C5: variants seen among roughly 807,000 people sequenced by gnomAD.
C5 encodes C3 and PZP-like alpha-2-macroglobulin domain-containing protein 4.
A neutral mutation model predicts 218.8 loss-of-function variants in C5; 140 were observed. That is an observed-to-expected ratio of 0.64 (90% CI 0.56 to 0.74). The LOEUF (loss-of-function observed/expected upper bound fraction) is 0.74, where lower values mean the gene tolerates loss of function less well. C5 is among the 30% of genes least tolerant of loss of function. The pLI is 0.00. For missense variants in C5, 1,700 were observed against 1,969.6 expected (o/e 0.86, Z 2.59); for synonymous variants, 614 against 682.3 (o/e 0.90, Z 1.56).
the C5 span, among the ~76,000 whole-genome samples, chr9:121,057,926 C>T: frequency 4.6e-5 from 7 of 152,226 alleles, no homozygotes; most frequent in African/African-American, 1.7e-4. Flanking sequence ...AAGTTCTTTG[C>T]TCCAAAATAT....
rs574447631 is a variant in C5, at chr9:121,035,593, G to A, written c.493-699C>T. On this transcript the variant is annotated intron_variant, in intron 4 of 40. Coordinates refer to ENST00000223642, the MANE Select transcript of C5 (RefSeq NM_001735.3). ...CTGTACAAAAAACTTTTTTGAGACA[G>A]GGATCTTGCTCTGTGATCCAGGCTG... is the stretch of plus-strand genomic sequence containing the variant. Among the ~76,000 whole-genome samples, 8 of 152,170 alleles carry A rather than the reference G, an allele frequency of 5.3e-5. No individual in the cohort carries two copies. The East Asian group carries it at 1.5e-3, about 29-fold the overall frequency.
chr9:121,020,238 A>C (rs2047352990), intron 11 of C5, 59 bp from the exon 12 acceptor site: 1 of 1,202,376 alleles, frequency 8.3e-7, no homozygotes, highest in Non-Finnish European at 1.2e-6. Context: ...TCTGTAAAAC[A>C]TACCTTTCAA....
the C5 span, among the ~76,000 whole-genome samples, chr9:121,062,325 G>A: frequency 3.9e-5 from 6 of 152,258 alleles, no homozygotes; most frequent in East Asian, 1.9e-4. Context: ...CATAAATATC[G>A]TGCTGTCAGA....
intron 26 of C5, among the ~76,000 whole-genome samples, 178 bp from the exon 27 acceptor site, chr9:120,982,117 T>C (rs1432395743): frequency 6.6e-6 from 1 of 152,158 alleles, no homozygotes; most frequent in East Asian, 1.9e-4. Flanking sequence ...GTTCAAGCCA[T>C]CCTCCGGCCT....
At chr9:121,037,517 T>C (rs1490241254) in intron 4 of C5, among the ~76,000 whole-genome samples, 1 of 152,056 alleles carries the variant, frequency 6.6e-6, no homozygotes, top group Non-Finnish European at 1.5e-5. Flanking sequence ...TTCACTATGT[T>C]GGCCAGGTTA....
At chr9:120,988,310 C>A (rs1456250346) in intron 25 of C5, among the ~76,000 whole-genome samples, 1 of 152,040 alleles carries the variant, frequency 6.6e-6, no homozygotes, top group African/African-American at 2.4e-5. Flanking sequence ...TAAGCAAGAA[C>A]GTTAGTAATC....
chr9:120,955,834 G>A (rs1279673248), intron 39 of C5, among the ~76,000 whole-genome samples: 2 of 152,026 alleles, frequency 1.3e-5, no homozygotes, highest in African/African-American at 4.8e-5. Context: ...TTGAGCCTAG[G>A]AGTTTGAGAC....
rs1342751591 is a variant in C5 at position 121,020,104 on chromosome 9, G to C, written c.1378C>G (p.Leu460Val). The change falls in exon 12 of 41, where the codon CTC (leucine) becomes GTC (valine). Residue 460 changes from leucine (L) to valine (V), a missense_variant. By Grantham distance (32) the Leu-to-Val change is conservative. Transcript: ENST00000223642. Reference protein sequence around the residue: ...EGYRAIAYSSLSQSYLYIDWT... With the variant: ...EGYRAIAYSSVSQSYLYIDWT... Reference sequence around the variant, plus strand: ...TCAATATAAAGGTAACTTTGGCTGAGAGATGAGTATGCTATTGCTCGGTAA... The same window carrying C: ...TCAATATAAAGGTAACTTTGGCTGACAGATGAGTATGCTATTGCTCGGTAA... 1.5e-5 allele frequency: 25 copies of C among 1,613,690 alleles called. No individual in the cohort carries two copies. Among genetic ancestry groups the C allele is most frequent in the Non-Finnish European group, 1.9e-5 (23 of 1,179,736 alleles).
chr9:121,046,101 CTA>C (rs2047624416), intron 2 of C5, 88 bp downstream of exon 2: 1 of 642,020 alleles, frequency 1.6e-6, no homozygotes, highest in Non-Finnish European at 2.6e-6. Flanking sequence ...ATGATTAAAT[CTA>C]TATGTTATCA....
At position 121,020,107 on chromosome 9, in the gene C5, A is replaced by AT. The variant is rs767943163; in HGVS notation, c.1374dup (p.Ser459IlefsTer10). On this transcript the variant is annotated frameshift_variant, in exon 12 of 41. Coordinates refer to ENST00000223642, the MANE Select transcript of C5 (RefSeq NM_001735.3). LOFTEE classifies it high-confidence loss of function. ...ATATAAAGGTAACTTTGGCTGAGAG[A>AT]TGAGTATGCTATTGCTCGGTAACCT... 1 of 1,613,906 alleles carries AT rather than the reference A, an allele frequency of 6.2e-7. No individual in the cohort carries two copies. Among genetic ancestry groups the AT allele is most frequent in the Non-Finnish European group, 8.5e-7 (1 of 1,179,810 alleles).
rs1280503039 is a variant in C5 at position 121,021,688 on chromosome 9, C to A, written c.1123G>T (p.Val375Phe). Residue 375 changes from valine (V) to phenylalanine (F), a missense_variant, in exon 11 of 41, where the codon GTT becomes TTT. Physicochemically the swap from Val to Phe is conservative, Grantham distance 50. Transcript: ENST00000223642. ...PGIPYPIKVQ[V>F]KDSLDQLVGG... ...ACCAACTGGTCAAGCGAATCTTTAA[C>A]CTGCACCTGTTTGTCAAAACAATCC... 1 of 1,612,944 alleles carries A rather than the reference C, an allele frequency of 6.2e-7. No homozygotes were observed. Among genetic ancestry groups the A allele is most frequent in the Non-Finnish European group, 8.5e-7 (1 of 1,179,046 alleles).
intron 7 of C5, among the ~76,000 whole-genome samples, chr9:121,030,143 T>C (rs1406769334): frequency 6.6e-6 from 1 of 152,222 alleles, no homozygotes; most frequent in African/African-American, 2.4e-5. Flanking sequence ...TCTAAACACA[T>C]ACACCAAACT....
chr9:120,998,069 C>G (rs2047132637), intron 20 of C5, among the ~76,000 whole-genome samples: 1 of 152,176 alleles, frequency 6.6e-6, no homozygotes, highest in South Asian at 2.1e-4. Context: ...TCCCAAAGTA[C>G]TGGAATTACA....
intron 35 of C5, 43 bp downstream of exon 35, chr9:120,962,850 G>T: frequency 6.2e-7 from 1 of 1,601,168 alleles, no homozygotes; most frequent in South Asian, 1.1e-5. Context: ...TGTATATTTT[G>T]AATAGTAATA....
intron 3 of C5, among the ~76,000 whole-genome samples, chr9:121,040,732 G>T (rs1423825977): frequency 6.6e-6 from 1 of 152,050 alleles, no homozygotes; most frequent in African/African-American, 2.4e-5. Flanking sequence ...TACAAGTGAG[G>T]AAAGTGGGAG....
At chr9:120,963,070 A>G in intron 34 of C5, 103 bp from the exon 35 acceptor site, 1 of 901,438 alleles carries the variant, frequency 1.1e-6, no homozygotes. Flanking sequence ...GTGATCTGTA[A>G]TTCAAAGAAA....
intron 3 of C5, among the ~76,000 whole-genome samples, chr9:121,040,708 T>A (rs2047570250): frequency 6.6e-6 from 1 of 152,194 alleles, no homozygotes; most frequent in Admixed American, 6.5e-5. Context: ...TAAGTTGTAT[T>A]ATTATCTCTA....
In C5 at chr9:120,969,900, T is replaced by G. The variant is rs187260159; in HGVS notation, c.4162+270A>C. 4.0e-4 allele frequency among the ~76,000 whole-genome samples: 61 copies of G among 152,308 alleles called. No individual in the cohort carries two copies. The East Asian group carries it at 0.011, about 26-fold the overall frequency. On this transcript the variant is annotated intron_variant, in intron 32 of 40. Coordinates refer to ENST00000223642, the MANE Select transcript of C5 (RefSeq NM_001735.3). The stretch of plus-strand genomic sequence containing the variant: ...TGGCTTTACAACTAGTTACACTCTT[T>G]AAAAATAACATAGTCAAAACAATTT...
At position 121,043,753 on chromosome 9, in the gene C5, G is replaced by A. The variant is rs1186900206; in HGVS notation, c.259-587C>T. Among the ~76,000 whole-genome samples the A allele has an allele frequency of 2.2e-4, 24 of 110,762 alleles. No homozygotes were observed. In the Admixed American group the frequency reaches 3.0e-3, roughly 14 times the overall value. The allele number at this position is 110,762 out of a possible 152,430, so 72.7% of individuals were successfully genotyped here. A position where few individuals can be genotyped will look rare whatever the true frequency, so the allele number is the denominator to read the frequency against. ...TAATAGAGACGGGTTTCACCATGTT[G>A]GCCAGGCTGGTCCTGAACTCCTGGC... is the stretch of plus-strand genomic sequence containing the variant. On this transcript the variant is annotated intron_variant, in intron 2 of 40. Coordinates refer to ENST00000223642, the MANE Select transcript of C5 (RefSeq NM_001735.3).
Sources: allele counts gnomAD v4.1 joint callset (sites outside exome capture counted in the v4.1 genomes callset), GRCh38; gene constraint gnomAD v4.1.1; transcripts MANE v1.5; gene names NCBI Gene and HGNC (gene_info 2026-07-23, HGNC 2026-07-21).